PABIR3: variants seen among roughly 807,000 people sequenced by gnomAD.
The protein encoded by PABIR3 is PABIR family member 1.
PABIR3 carries 20 observed loss-of-function variants against 23.1 expected under a neutral mutation model. That is an observed-to-expected ratio of 0.86 (90% CI 0.61 to 1.26). The LOEUF (loss-of-function observed/expected upper bound fraction) is 1.26. Ranked by LOEUF, PABIR3 falls within the 50% of genes most tolerant of loss-of-function variation. The pLI is 0.00. For missense variants in PABIR3, 189 were observed against 195.4 expected (o/e 0.97, Z 0.20); for synonymous variants, 69 against 68.5 (o/e 1.01, Z -0.04).
intron 3 of PABIR3, among the ~76,000 whole-genome samples, chrX:134,824,528 G>A (rs2081422795): frequency 1.8e-5 from 2 of 112,301 alleles, no homozygotes; most frequent in Admixed American, 1.9e-4. Context: ...GGCCAGGCCC[G>A]GTGGCTCATG....
intron 4 of PABIR3, among the ~76,000 whole-genome samples, chrX:134,843,219 T>A (rs1314745549): frequency 9.0e-6 from 1 of 111,225 alleles, no homozygotes; most frequent in Non-Finnish European, 1.9e-5. Flanking sequence ...AAAAGTTTTT[T>A]AATTTTGATG....
At chrX:134,828,047 C>A (rs7883172) in intron 3 of PABIR3, among the ~76,000 whole-genome samples, 20,468 of 49,162 alleles carry the variant, frequency 0.42, 4,865 homozygotes, top group East Asian at 0.46. Flanking sequence ...CTCTCTCTCT[C>A]TATATATATA....
At chrX:134,832,582 T>A (rs777913118) in intron 4 of PABIR3, among the ~76,000 whole-genome samples, 21 of 108,228 alleles carry the variant, frequency 1.9e-4, no homozygotes, top group African/African-American at 6.4e-4. Context: ...TTGTATTTTT[T>A]GTAGAGACAG....
At position 134,807,716 on chromosome X, in the gene PABIR3, G is replaced by C. The variant is rs370315393; in HGVS notation, c.110+8G>C. The C allele has an allele frequency of 2.3e-4, 268 of 1,161,646 alleles. 2 individuals are homozygous for C. Among genetic ancestry groups the C allele is most frequent in the Non-Finnish European group, 3.0e-4 (257 of 865,305 alleles). ...TTTGATCAATGGACTTGGGTGAGCC[G>C]GGTTGAGATACTGGAGGAGGCAAGC... is the stretch of plus-strand genomic sequence containing the variant. On this transcript the variant is annotated splice_region_variant and intron_variant, in intron 2 of 10. Transcript: ENST00000645433.
intron 9 of PABIR3, 44 bp from the exon 10 acceptor site, chrX:134,852,756 C>A: frequency 1.3e-6 from 1 of 746,297 alleles, no homozygotes; most frequent in Non-Finnish European, 1.8e-6. Context: ...TAATAATAAA[C>A]ATGTTAAATA....
intron 4 of PABIR3, among the ~76,000 whole-genome samples, chrX:134,836,869 A>ACAAC (rs1272245149): frequency 2.7e-5 from 3 of 110,973 alleles, no homozygotes; most frequent in African/African-American, 3.3e-5. Context: ...GCACCCAGTA[A>ACAAC]CAACTTAACT....
chrX:134,811,400 C>CTT (rs771991631), intron 2 of PABIR3, among the ~76,000 whole-genome samples: 10 of 100,531 alleles, frequency 9.9e-5, no homozygotes, highest in Admixed American at 3.3e-4. Context: ...TGCCTCAATT[C>CTT]TTTTTTTTTT....
intron 2 of PABIR3, chrX:134,809,858 T>C (rs954611214): frequency 2.7e-6 from 2 of 752,011 alleles, no homozygotes; most frequent in African/African-American, 4.6e-5. Flanking sequence ...TCATTTGAGG[T>C]AGGAGAGAAT....
chrX:134,855,089 C>T (rs770119448), downstream of PABIR3, among the ~76,000 whole-genome samples: 43 of 108,940 alleles, frequency 3.9e-4, no homozygotes, highest in African/African-American at 1.1e-3. Flanking sequence ...ATTTTCTATT[C>T]GAAAATCTTA....
chrX:134,833,986 A>G lies in PABIR3; in HGVS notation c.246+4704A>G, dbSNP rs2081894022. On this transcript the variant is annotated intron_variant, in intron 4 of 10. Coordinates refer to ENST00000645433, the MANE Select transcript of PABIR3 (RefSeq NM_001388447.1). ...AGTACTGCAGTAAACATGCGTGTGC[A>G]TGTGTCTTTATGGTAAAATGAATTA... The G allele has an allele frequency of 2.7e-5, 3 of 111,960 alleles. No homozygotes were observed. In the South Asian group the frequency reaches 1.1e-3, roughly 41 times the overall value. 9.2% of individuals were successfully genotyped at this position (111,960 alleles called of 1,213,427 possible).
At chrX:134,856,537 A>G (rs748287123), downstream of PABIR3, among the ~76,000 whole-genome samples, 12 of 111,050 alleles carry the variant, frequency 1.1e-4, no homozygotes, top group African/African-American at 3.9e-4. Flanking sequence ...ACACTAGGAT[A>G]CCACAACTCA....
chrX:134,808,542 G>A (rs1461829251), intron 2 of PABIR3, among the ~76,000 whole-genome samples: 1 of 111,187 alleles, frequency 9.0e-6, no homozygotes, highest in African/African-American at 3.3e-5. Context: ...CAACACTCCC[G>A]GCTAATTTTT....
the PABIR3 span, among the ~76,000 whole-genome samples, chrX:134,861,820 T>G: frequency 9.0e-6 from 1 of 111,494 alleles, no homozygotes; most frequent in African/African-American, 3.3e-5. Flanking sequence ...TCAAGTAAGT[T>G]TGGAAAATTC....
At chrX:134,858,290 G>T (rs752045607), downstream of PABIR3, among the ~76,000 whole-genome samples, 14 of 111,657 alleles carry the variant, frequency 1.3e-4, no homozygotes, top group Non-Finnish European at 2.3e-4. Context: ...ACATTAAAAG[G>T]GGGGACGAGT....
intron 6 of PABIR3, among the ~76,000 whole-genome samples, chrX:134,846,759 C>T (rs773722729): frequency 1.8e-5 from 2 of 111,581 alleles, no homozygotes; most frequent in African/African-American, 3.3e-5. Flanking sequence ...TACAATTGAT[C>T]GATACTGCTG....
At chrX:134,812,579 GTAAGATAAGTGCGTAGGGAGCT>G (rs1162108650) in intron 2 of PABIR3, among the ~76,000 whole-genome samples, 3 of 111,708 alleles carry the variant, frequency 2.7e-5, no homozygotes, top group African/African-American at 6.5e-5. Flanking sequence ...ATATGGTAGA[GTAAGATAAGTGCGTAGGGAGCT>G]TAAGATAAGT....
At chrX:134,817,653 T>A (rs913240476) in intron 3 of PABIR3, among the ~76,000 whole-genome samples, 3 of 109,831 alleles carry the variant, frequency 2.7e-5, no homozygotes, top group Admixed American at 1.0e-4. Flanking sequence ...AAAGAGTGTG[T>A]ATAAAATTTG....
At chrX:134,828,049 A>G (rs539427728) in intron 3 of PABIR3, among the ~76,000 whole-genome samples, 1 of 67,944 alleles carries the variant, frequency 1.5e-5, no homozygotes, top group African/African-American at 6.0e-5. Flanking sequence ...CTCTCTCTCT[A>G]TATATATATA....
At chrX:134,811,512 C>T (rs565185769) in intron 2 of PABIR3, among the ~76,000 whole-genome samples, 7 of 110,335 alleles carry the variant, frequency 6.3e-5, no homozygotes, top group African/African-American at 1.3e-4. Context: ...CCTCAGCCTC[C>T]GAGTAGCTGG....
Sources: gnomAD v4.1 joint callset for allele counts (sites outside exome capture counted in the v4.1 genomes callset) on GRCh38, gnomAD v4.1.1 for gene constraint, MANE v1.5 for transcripts, NCBI Gene and HGNC (gene_info 2026-07-23, HGNC 2026-07-21) for gene names.